Variants in LRBA observed in about 807,000 individuals in gnomAD.
LRBA encodes LPS responsive beige-like anchor protein, also known as lipopolysaccharide-responsive and beige-like anchor protein.
A neutral mutation model predicts 330.0 loss-of-function variants in LRBA; 176 were observed. The ratio of observed to expected loss-of-function variants is 0.53; its 90% CI spans 0.47 to 0.60. The LOEUF is 0.60. Ranked by LOEUF, LRBA falls within the 20% of genes least tolerant of loss-of-function variation. LRBA has a pLI of 0.00. For missense variants in LRBA, 3,259 were observed against 3,444.8 expected, an observed-to-expected ratio of 0.95 and a Z score of 1.35; for synonymous variants, 1,230 against 1,193.0, an observed-to-expected ratio of 1.03 and a Z score of -0.64.
At chr4:150,688,685 C>G (rs556389860) in intron 36 of LRBA, among the ~76,000 whole-genome samples, 8 of 152,058 alleles carry the variant, frequency 5.3e-5, no homozygotes, top group Non-Finnish European at 1.2e-4. Flanking sequence ...ATGCGGCCAA[C>G]AAACATATGA....
chr4:150,847,851 G>T (rs187203061), intron 26 of LRBA, among the ~76,000 whole-genome samples: 11 of 152,294 alleles, frequency 7.2e-5, no homozygotes, highest in Non-Finnish European at 1.3e-4. Context: ...GAGATTTCAT[G>T]ATTTTATTAA....
chr4:150,296,704 T>C (rs980407847), intron 53 of LRBA, among the ~76,000 whole-genome samples: 11 of 152,174 alleles, frequency 7.2e-5, no homozygotes, highest in African/African-American at 2.7e-4. Context: ...GAATTTCATA[T>C]AAAAATGGTT....
chr4:150,712,379 G>A (rs1406523405), intron 36 of LRBA, among the ~76,000 whole-genome samples: 3 of 152,006 alleles, frequency 2.0e-5, no homozygotes, highest in Admixed American at 6.6e-5. Flanking sequence ...AATTCCCTAA[G>A]TTCTAAGATA....
Position 150,444,150 on chromosome 4 carries a change from T to TA in LRBA, c.6781-7287dup, listed in dbSNP as rs1752278194. On this transcript the variant is annotated intron_variant, in intron 44 of 56. Transcript: ENST00000651943. The stretch of plus-strand genomic sequence containing the variant: ...GGACATCAAAAACATGCTTGGCAAA[T>TA]ACAGTTTTTTTAAAAAATGTGAACA... 2.0e-5 allele frequency among the ~76,000 whole-genome samples: 3 copies of TA among 152,010 alleles called. No individual in the cohort carries two copies. In the South Asian group the frequency reaches 6.2e-4, roughly 31 times the overall value.
chr4:150,702,415 C>T (rs1294675684), intron 36 of LRBA, among the ~76,000 whole-genome samples: 2 of 152,084 alleles, frequency 1.3e-5, no homozygotes, highest in African/African-American at 4.8e-5. Flanking sequence ...GGTGTAGTTT[C>T]AATCATCGAC....
rs1011212012 is a variant in LRBA, at chr4:150,286,048, C to T, written c.8018-14G>A. The T allele has an allele frequency of 6.6e-7, 1 of 1,513,238 alleles. No individual in the cohort carries two copies. Among genetic ancestry groups the T allele is most frequent in the Non-Finnish European group, 8.9e-7 (1 of 1,120,794 alleles). The allele number at this position is 1,513,238 out of a possible 1,614,324, so 93.7% of individuals were successfully genotyped here. On this transcript the variant is annotated splice_polypyrimidine_tract_variant and intron_variant, in intron 53 of 56. Transcript: ENST00000651943. ...CAGCAGTCTCACCTTTAGGAAAAAA[C>T]AGATAAAAAGAACAAATCAATTCAA...
In LRBA at chr4:150,851,996, C is replaced by T. The variant is rs1750671680; in HGVS notation, c.3714G>A (p.Glu1238=). The T allele has an allele frequency of 1.2e-6, 2 of 1,614,002 alleles. 1 individual carries two copies. Among genetic ancestry groups the T allele is most frequent in the South Asian group, 2.2e-5 (2 of 91,082 alleles). The stretch of plus-strand genomic sequence containing the variant: ...AAACATCCAACTTCGCAATCTTTTG[C>T]TCAGAAGAAGCCTCAGAGACACTAC... ...CHGSVSEASS[E]QKIAKLDVSN... The change falls in exon 23 of 57, where the codon GAG becomes GAA. Residue 1238 remains glutamate (E), a synonymous_variant. Coordinates refer to ENST00000651943, the MANE Select transcript of LRBA (RefSeq NM_001364905.1).
chr4:150,979,773 AG>A, intron 2 of LRBA, among the ~76,000 whole-genome samples: 1 of 152,228 alleles, frequency 6.6e-6, no homozygotes, highest in Admixed American at 6.5e-5. Context: ...ATATTGAACC[AG>A]GAAGAAATCC....
At chr4:150,929,669 CCTTGTCAT>C (rs1379369957) in intron 2 of LRBA, among the ~76,000 whole-genome samples, 7 of 152,092 alleles carry the variant, frequency 4.6e-5, no homozygotes, top group Non-Finnish European at 8.8e-5. Context: ...GCTATACAGG[CCTTGTCAT>C]CTCACCCAGA....
At chr4:150,559,502 A>G (rs978808231) in intron 40 of LRBA, among the ~76,000 whole-genome samples, 9 of 144,088 alleles carry the variant, frequency 6.2e-5, no homozygotes, top group African/African-American at 2.1e-4. Context: ...TGGAGGTTGC[A>G]GTGAGACTCC....
chr4:150,479,713 G>C (rs1480618932), intron 42 of LRBA, among the ~76,000 whole-genome samples: 3 of 152,152 alleles, frequency 2.0e-5, no homozygotes, highest in Non-Finnish European at 4.4e-5. Flanking sequence ...TAACTATCAA[G>C]AGAAAGTAAT....
chr4:150,289,612 AC>A (rs2126794437), intron 53 of LRBA, among the ~76,000 whole-genome samples: 1 of 152,264 alleles, frequency 6.6e-6, no homozygotes, highest in South Asian at 2.1e-4. Context: ...GCCTCTATAA[AC>A]CCACATACAT....
chr4:150,771,997 A>G (rs7665654), intron 34 of LRBA, among the ~76,000 whole-genome samples: 107,208 of 152,082 alleles, frequency 0.7, 42,725 homozygotes, highest in Non-Finnish European at 0.9. Flanking sequence ...ATAGACATCT[A>G]TACACATACC....
chr4:150,629,769 A>G (rs763396053), intron 37 of LRBA, among the ~76,000 whole-genome samples: 11 of 152,196 alleles, frequency 7.2e-5, no homozygotes, highest in Non-Finnish European at 1.3e-4. Flanking sequence ...CAGGAGTTCC[A>G]GACCAGCCTG....
At chr4:150,829,256 T>TA (rs1746791227) in intron 29 of LRBA, among the ~76,000 whole-genome samples, 1 of 152,018 alleles carries the variant, frequency 6.6e-6, no homozygotes, top group South Asian at 2.1e-4. Flanking sequence ...ATCTTTAGGA[T>TA]AAAATAAAAA....
At chr4:150,920,693 A>G (rs752163011) in intron 5 of LRBA, among the ~76,000 whole-genome samples, 4 of 152,238 alleles carry the variant, frequency 2.6e-5, no homozygotes, top group Admixed American at 6.5e-5. Context: ...TCACTATTAT[A>G]CATAATTGTC....
chr4:150,292,678 T>G (rs535832213), intron 53 of LRBA, among the ~76,000 whole-genome samples: 6 of 152,308 alleles, frequency 3.9e-5, no homozygotes, highest in Non-Finnish European at 7.4e-5. Context: ...TTAAGATATG[T>G]GAGGTACTAT....
At chr4:150,467,301 A>T (rs2152061225) in intron 44 of LRBA, among the ~76,000 whole-genome samples, 1 of 152,286 alleles carries the variant, frequency 6.6e-6, no homozygotes, top group Admixed American at 6.5e-5. Context: ...AGAAAGAATT[A>T]AACTTCTATC....
intron 47 of LRBA, among the ~76,000 whole-genome samples, chr4:150,365,257 T>C (rs1298269575): frequency 6.6e-6 from 1 of 152,074 alleles, no homozygotes; most frequent in East Asian, 1.9e-4. Context: ...TCTGCCTGCC[T>C]TGGCCTCCCA....
Sources: allele counts gnomAD v4.1 joint callset (sites outside exome capture counted in the v4.1 genomes callset), GRCh38; gene constraint gnomAD v4.1.1; transcripts MANE v1.5; gene names NCBI Gene and HGNC (gene_info 2026-07-23, HGNC 2026-07-21).